The following ARMC2 variants were observed in gnomAD, a reference collection of about 807,000 sequenced individuals.
ARMC2 encodes armadillo repeat-containing protein 2.
In ARMC2, 67 loss-of-function variants were observed where a neutral mutation model predicts 90.3. That is an observed-to-expected ratio of 0.74 (90% confidence interval 0.61 to 0.91). The LOEUF is 0.91. Ranked by LOEUF, ARMC2 falls within the 40% of genes least tolerant of loss-of-function variation. The probability of loss-of-function intolerance (pLI) is 0.00; values close to 1 mark genes in which losing one functional copy is unlikely to be tolerated. For missense variants in ARMC2, 920 were observed against 1,030.9 expected, an observed-to-expected ratio of 0.89 and a Z score of 1.47; for synonymous variants, 393 against 393.0, an observed-to-expected ratio of 1.00 and a Z score of 0.00.
At chr6:109,049,670 T>TA in the ARMC2 span, among the ~76,000 whole-genome samples, 5 of 150,758 alleles carry the variant, frequency 3.3e-5, no homozygotes, top group Non-Finnish European at 7.4e-5. Context: ...AGTTAAAAAA[T>TA]AAAAAATAAA....
At chr6:109,039,976 A>G in the ARMC2 span, among the ~76,000 whole-genome samples, 2 of 152,234 alleles carry the variant, frequency 1.3e-5, no homozygotes, top group African/African-American at 4.8e-5. Flanking sequence ...ATGTGTATGT[A>G]CCAACAGTCA....
At position 108,953,233 on chromosome 6, in the gene ARMC2, G is replaced by A. The variant is rs1174147859; in HGVS notation, c.1797G>A (p.Glu599=). 1 of 1,613,838 alleles carries A rather than the reference G, an allele frequency of 6.2e-7. No homozygotes were observed. Among genetic ancestry groups the A allele is most frequent in the Non-Finnish European group, 8.5e-7 (1 of 1,179,908 alleles). The change falls in exon 13 of 18, where the codon GAG becomes GAA. Residue 599 remains glutamate, a synonymous_variant. Transcript: ENST00000392644. ...EQHRAQRPPS[E]AEDVLIKLTR... ...ACAGGGCGCAGAGGCCGCCGTCAGA[G>A]GCAGAGGACGTGCTCATCAAGCTGA...
chr6:108,907,590 G>C (rs561629410), intron 8 of ARMC2: 5 of 1,536,764 alleles, frequency 3.3e-6, no homozygotes, highest in East Asian at 4.5e-5. Flanking sequence ...GGGGTGGGGG[G>C]GTGCAGAGCG....
At chr6:108,962,977 A>C (rs1354841282) in intron 15 of ARMC2, among the ~76,000 whole-genome samples, 1 of 152,190 alleles carries the variant, frequency 6.6e-6, no homozygotes, top group Non-Finnish European at 1.5e-5. Flanking sequence ...CTAGGCTGGG[A>C]GACAGAGCGA....
chr6:108,911,848 A>T (rs1773468371), intron 9 of ARMC2, among the ~76,000 whole-genome samples: 1 of 152,142 alleles, frequency 6.6e-6, no homozygotes, highest in African/African-American at 2.4e-5. Flanking sequence ...AAATGTTCTT[A>T]AGTTGTCTTG....
Position 108,876,314 on chromosome 6 carries a change from G to T in ARMC2, c.635G>T (p.Gly212Val). 1 of 1,611,432 alleles carries T rather than the reference G, an allele frequency of 6.2e-7. No individual in the cohort carries two copies. The highest frequency in any genetic ancestry group is 1.1e-5 in the South Asian group (1 of 90,058). The change falls in exon 5 of 18, where the codon GGA (glycine) becomes GTA (valine). Residue 212 changes from glycine to valine, a missense_variant. Coordinates refer to ENST00000392644, the MANE Select transcript of ARMC2 (RefSeq NM_032131.6). Reference sequence around the variant, plus strand: ...ATAAAGGAGCAAGAAATGTTCAAAGGAACAACATCTTTACCATCTCATCTC... The same window carrying T: ...ATAAAGGAGCAAGAAATGTTCAAAGTAACAACATCTTTACCATCTCATCTC... ...SEIKEQEMFK[G>V]TTSLPSHLKN...
chr6:108,941,583 A>C (rs1776446165), intron 12 of ARMC2, among the ~76,000 whole-genome samples: 1 of 152,176 alleles, frequency 6.6e-6, no homozygotes, highest in Non-Finnish European at 1.5e-5. Context: ...ATAAAGTTAC[A>C]TGTTAATTTG....
the ARMC2 span, among the ~76,000 whole-genome samples, chr6:109,021,253 G>A: frequency 2.6e-5 from 4 of 152,138 alleles, no homozygotes; most frequent in Non-Finnish European, 4.4e-5. Flanking sequence ...AAAGTGTTGG[G>A]ATTACAGGTG....
chr6:108,865,867 A>G (rs1244676024), intron 3 of ARMC2, among the ~76,000 whole-genome samples: 1 of 152,036 alleles, frequency 6.6e-6, no homozygotes, highest in African/African-American at 2.4e-5. Flanking sequence ...AAAATAAAAA[A>G]TTAGCTGGGT....
intron 3 of ARMC2, among the ~76,000 whole-genome samples, chr6:108,863,620 A>G (rs957579840): frequency 6.6e-6 from 1 of 152,240 alleles, no homozygotes; most frequent in Non-Finnish European, 1.5e-5. Flanking sequence ...AGGTGTGACC[A>G]TGTGAATACA....
At position 108,935,363 on chromosome 6, in the gene ARMC2, CTCCTT is replaced by C. The variant is rs558203936; in HGVS notation, c.1497-1534_1497-1530del. On this transcript the variant is annotated intron_variant, in intron 11 of 17. Coordinates refer to ENST00000392644, the MANE Select transcript of ARMC2 (RefSeq NM_032131.6). Reference sequence around the variant, plus strand: ...TCTTCTATTTTAGTAAAAAACATGACTCCTTTCTTTTCAGCCTCCTTAAACCTATA... The same window carrying C: ...TCTTCTATTTTAGTAAAAAACATGACTCTTTTCAGCCTCCTTAAACCTATA... 7.8e-3 allele frequency among the ~76,000 whole-genome samples: 1,193 copies of C among 152,094 alleles called. 14 individuals carry two copies. Among genetic ancestry groups the C allele is most frequent in the African/African-American group, 0.028 (1,165 of 41,482 alleles).
chr6:109,003,129 G>T, the ARMC2 span, among the ~76,000 whole-genome samples: 2 of 151,886 alleles, frequency 1.3e-5, no homozygotes, highest in Non-Finnish European at 2.9e-5. Flanking sequence ...TCCCCATATA[G>T]TGTGTTTACA....
chr6:108,886,594 A>G (rs1778131755), intron 5 of ARMC2, among the ~76,000 whole-genome samples: 1 of 151,928 alleles, frequency 6.6e-6, no homozygotes, highest in African/African-American at 2.4e-5. Flanking sequence ...AAACAATATA[A>G]CTACAGCCCA....
intron 12 of ARMC2, among the ~76,000 whole-genome samples, chr6:108,947,117 T>C (rs9480898): frequency 0.015 from 2,252 of 152,170 alleles, 49 homozygotes; most frequent in African/African-American, 0.052. Flanking sequence ...CTGACAACAG[T>C]CTACAGGCAG....
chr6:108,947,241 G>A (rs976717452), intron 12 of ARMC2, among the ~76,000 whole-genome samples: 5 of 152,124 alleles, frequency 3.3e-5, no homozygotes, highest in Non-Finnish European at 7.4e-5. Flanking sequence ...AATCAGAGAT[G>A]CTGGGGCTGG....
At chr6:108,937,841 T>C (rs781513531) in intron 12 of ARMC2, among the ~76,000 whole-genome samples, 16 of 151,896 alleles carry the variant, frequency 1.1e-4, no homozygotes, top group Admixed American at 2.6e-4. Context: ...ACTACAGGCG[T>C]GCCACCACAC....
chr6:108,946,061 G>C (rs1776781997), intron 12 of ARMC2, among the ~76,000 whole-genome samples: 2 of 152,228 alleles, frequency 1.3e-5, no homozygotes, highest in African/African-American at 4.8e-5. Context: ...GCCTTGGTCT[G>C]CGCCCCTGAC....
chr6:108,980,852 T>A, the ARMC2 span, among the ~76,000 whole-genome samples: 1 of 152,118 alleles, frequency 6.6e-6, no homozygotes, highest in South Asian at 2.1e-4. Flanking sequence ...ATTGTGCCAC[T>A]GCACTATAGC....
the ARMC2 span, among the ~76,000 whole-genome samples, chr6:109,046,298 C>T: frequency 1.4e-4 from 22 of 151,772 alleles, no homozygotes; most frequent in Admixed American, 3.9e-4. Flanking sequence ...TTGGCCGGGC[C>T]GGTCTCCAGC....
Sources: gnomAD v4.1 joint callset for allele counts (sites outside exome capture counted in the v4.1 genomes callset) on GRCh38, gnomAD v4.1.1 for gene constraint, MANE v1.5 for transcripts, NCBI Gene and HGNC (gene_info 2026-07-23, HGNC 2026-07-21) for gene names.